The following THSD7B variants were observed in gnomAD, a reference collection of about 807,000 sequenced individuals.
THSD7B encodes the protein thrombospondin type-1 domain-containing protein 7B.
In THSD7B, 138 loss-of-function variants were observed where a neutral mutation model predicts 213.6. The ratio of observed to expected loss-of-function variants is 0.65; its 90% CI spans 0.56 to 0.74. THSD7B has a LOEUF of 0.74. Among genes scored for constraint, THSD7B ranks in the 30% least tolerant of loss-of-function variants. The pLI is 0.00. For missense variants in THSD7B, 1,931 were observed against 1,991.5 expected, an observed-to-expected ratio of 0.97 and a Z score of 0.58; for synonymous variants, 742 against 687.0, an observed-to-expected ratio of 1.08 and a Z score of -1.25.
chr2:136,938,126 A>G (rs1684763741), intron 2 of THSD7B, among the ~76,000 whole-genome samples: 1 of 152,180 alleles, frequency 6.6e-6, no homozygotes, highest in South Asian at 2.1e-4. Context: ...TTGCATCTTT[A>G]CCCACACCAA....
intron 2 of THSD7B, among the ~76,000 whole-genome samples, chr2:136,940,740 A>ATT (rs1367755607): frequency 0.047 from 6,604 of 140,392 alleles, 247 homozygotes; most frequent in Admixed American, 0.097. Context: ...ATATATATAT[A>ATT]TATTTTTTCT....
chr2:137,423,139 CAAAA>C (rs1686964329), intron 14 of THSD7B, among the ~76,000 whole-genome samples: 2 of 151,854 alleles, frequency 1.3e-5, no homozygotes, highest in South Asian at 4.2e-4. Flanking sequence ...TCTTCAAAAA[CAAAA>C]GCAAGTAGGT....
chr2:137,530,142 T>C (rs79199857), intron 15 of THSD7B, among the ~76,000 whole-genome samples: 2,151 of 152,186 alleles, frequency 0.014, 51 homozygotes, highest in African/African-American at 0.048. Context: ...GAGATGTGCG[T>C]GCCTCATTGA....
intron 21 of THSD7B, among the ~76,000 whole-genome samples, chr2:137,643,909 C>G (rs1682984116): frequency 6.6e-6 from 1 of 152,174 alleles, no homozygotes; most frequent in Admixed American, 6.5e-5. Context: ...CTTTTATCTT[C>G]TCAGGTATCA....
intron 12 of THSD7B, among the ~76,000 whole-genome samples, chr2:137,388,543 A>G (rs1169871964): frequency 2.6e-5 from 4 of 152,052 alleles, no homozygotes; most frequent in African/African-American, 9.7e-5. Flanking sequence ...TCTTCCAGCT[A>G]TTTTGCAATA....
At chr2:137,348,036 A>G (rs977660835) in intron 12 of THSD7B, among the ~76,000 whole-genome samples, 2 of 151,594 alleles carry the variant, frequency 1.3e-5, no homozygotes, top group Non-Finnish European at 3.0e-5. Context: ...AGCTGCACTT[A>G]AATTGGATTA....
At chr2:137,604,701 A>G (rs1682139265) in intron 17 of THSD7B, among the ~76,000 whole-genome samples, 1 of 152,146 alleles carries the variant, frequency 6.6e-6, no homozygotes, top group Non-Finnish European at 1.5e-5. Flanking sequence ...TCTCTTGTTG[A>G]GTTTTGCACA....
At chr2:136,782,480 A>C (rs1558803429) in intron 1 of THSD7B, among the ~76,000 whole-genome samples, 1 of 151,938 alleles carries the variant, frequency 6.6e-6, no homozygotes, top group African/African-American at 2.4e-5. Flanking sequence ...TCATTGAACC[A>C]CTTGGCTGTG....
chr2:137,557,794 T>C (rs1230896660), intron 15 of THSD7B, among the ~76,000 whole-genome samples: 4 of 151,970 alleles, frequency 2.6e-5, no homozygotes, highest in Non-Finnish European at 5.9e-5. Context: ...TTTGAAAAGA[T>C]CAACAAAATT....
At chr2:137,541,879 T>C (rs1680617219) in intron 15 of THSD7B, among the ~76,000 whole-genome samples, 1 of 151,262 alleles carries the variant, frequency 6.6e-6, no homozygotes, top group Non-Finnish European at 1.5e-5. Flanking sequence ...TGAATTCAAA[T>C]ATATGCCAAT....
chr2:136,960,865 G>A lies in THSD7B; in HGVS notation c.139+78548G>A, dbSNP rs185512787. On this transcript the variant is annotated intron_variant, in intron 2 of 27. Transcript: ENST00000409968. ...AGCTCTTAGGGAGGCCGAGGTGGGC[G>A]GATCGCAAGGTCAGGAGATCAAGAC... Among the ~76,000 whole-genome samples, 329 of 152,006 alleles carry A rather than the reference G, an allele frequency of 2.2e-3. 2 individuals carry two copies. The highest frequency in any genetic ancestry group is 3.7e-3 in the Non-Finnish European group (253 of 67,980).
At chr2:136,962,061 C>G (rs929197549) in intron 2 of THSD7B, among the ~76,000 whole-genome samples, 2 of 152,120 alleles carry the variant, frequency 1.3e-5, no homozygotes, top group East Asian at 3.9e-4. Flanking sequence ...TAATCAATGT[C>G]CTTATGAGTG....
At chr2:137,604,233 G>C (rs1435758871) in intron 17 of THSD7B, among the ~76,000 whole-genome samples, 1 of 152,106 alleles carries the variant, frequency 6.6e-6, no homozygotes. Flanking sequence ...AAAAAGAAGT[G>C]ACTATTTCAA....
intron 6 of THSD7B, among the ~76,000 whole-genome samples, chr2:137,168,237 A>G (rs1236283491): frequency 6.6e-6 from 1 of 152,202 alleles, no homozygotes; most frequent in Non-Finnish European, 1.5e-5. Flanking sequence ...AGTACAGGAA[A>G]GTGATGTGCA....
intron 2 of THSD7B, among the ~76,000 whole-genome samples, chr2:136,939,794 T>C (rs1684790175): frequency 6.6e-6 from 1 of 152,188 alleles, no homozygotes; most frequent in Admixed American, 6.5e-5. Context: ...ATCTTGTCAG[T>C]GTGCACTGTC....
intron 6 of THSD7B, among the ~76,000 whole-genome samples, chr2:137,161,525 C>T (rs936884960): frequency 6.6e-6 from 1 of 152,208 alleles, no homozygotes; most frequent in Non-Finnish European, 1.5e-5. Flanking sequence ...CCCAGACTCA[C>T]TTACCCCTGT....
intron 19 of THSD7B, among the ~76,000 whole-genome samples, chr2:137,619,168 G>C (rs973607360): frequency 3.3e-5 from 5 of 152,158 alleles, no homozygotes; most frequent in African/African-American, 2.4e-5. Context: ...GGGCAGTTTA[G>C]TAGAAGTAAA....
At chr2:137,068,786 AG>A (rs1356357166) in intron 3 of THSD7B, among the ~76,000 whole-genome samples, 3 of 152,034 alleles carry the variant, frequency 2.0e-5, no homozygotes, top group African/African-American at 7.2e-5. Context: ...TGTAGGGACA[AG>A]TGGCATTCTG....
chr2:136,889,777 CCCTGCACAG>C (rs1261407540), intron 2 of THSD7B, among the ~76,000 whole-genome samples: 1 of 152,172 alleles, frequency 6.6e-6, no homozygotes, highest in African/African-American at 2.4e-5. Context: ...AGTCCTGTCC[CCCTGCACAG>C]CCTGCATAGT....
Sources: gnomAD v4.1 joint callset for allele counts (sites outside exome capture counted in the v4.1 genomes callset) on GRCh38, gnomAD v4.1.1 for gene constraint, MANE v1.5 for transcripts, NCBI Gene and HGNC (gene_info 2026-07-23, HGNC 2026-07-21) for gene names.